NF2: variants seen among roughly 807,000 people sequenced by gnomAD.
NF2 encodes NF2, moesin-ezrin-radixin like (MERLIN) tumor suppressor.
In NF2, 8 loss-of-function variants were observed where a neutral mutation model predicts 83.7. That is an observed-to-expected ratio of 0.10 (90% confidence interval 0.06 to 0.17). The LOEUF is 0.17. Ranked by LOEUF, NF2 falls within the 10% of genes least tolerant of loss-of-function variation. The probability of loss-of-function intolerance (pLI) is 1.00; values close to 1 mark genes in which losing one functional copy is unlikely to be tolerated. For synonymous variants in NF2, 266 were observed against 269.6 expected (o/e 0.99, Z 0.13); for missense variants, 533 against 744.4 (o/e 0.72, Z 3.31).
At chr22:29,685,186 C>A (rs988159557) in intron 15 of NF2, among the ~76,000 whole-genome samples, 1 of 151,952 alleles carries the variant, frequency 6.6e-6, no homozygotes, top group African/African-American at 2.4e-5. Context: ...CGGCTCACTG[C>A]AACCTCCACC....
intron 1 of NF2, among the ~76,000 whole-genome samples, chr22:29,612,432 C>T (rs1431919136): frequency 6.6e-6 from 1 of 151,700 alleles, no homozygotes; most frequent in Non-Finnish European, 1.5e-5. Context: ...AAGTGATCCT[C>T]CTATATCAGC....
intron 4 of NF2, among the ~76,000 whole-genome samples, chr22:29,650,060 G>C (rs2066101367): frequency 6.6e-6 from 1 of 152,008 alleles, no homozygotes; most frequent in African/African-American, 2.4e-5. Flanking sequence ...AACTTACAAA[G>C]ATTAAAAATG....
At chr22:29,642,983 G>A (rs557134705) in intron 4 of NF2, among the ~76,000 whole-genome samples, 8 of 149,414 alleles carry the variant, frequency 5.4e-5, no homozygotes, top group African/African-American at 1.7e-4. Flanking sequence ...TTACAAGACC[G>A]ATGAGAGGGT....
rs972488057 is a variant in NF2, at chr22:29,686,461, G to T, written c.1737+4860G>T. ...TCGAGACCAGCCTGACCAACATGGA[G>T]AAACCCCGTCTCTACCAAAAATACA... On this transcript the variant is annotated intron_variant, in intron 15 of 15. Transcript: ENST00000338641. 2.3e-4 allele frequency among the ~76,000 whole-genome samples: 35 copies of T among 152,218 alleles called. 2 individuals are homozygous for T. Among genetic ancestry groups the T allele is most frequent in the Non-Finnish European group, 2.9e-5 (2 of 68,038 alleles).
At position 29,654,767 on chromosome 22, in the gene NF2, T is replaced by C. The variant is rs902023876; in HGVS notation, c.516+42T>C. The C allele has an allele frequency of 2.7e-6, 4 of 1,479,520 alleles. No individual in the cohort carries two copies. The African/African-American group carries it at 5.5e-5, about 20-fold the overall frequency. 91.6% of individuals were successfully genotyped at this position (1,479,520 alleles called of 1,614,324 possible). On this transcript the variant is annotated intron_variant, in intron 5 of 15. Coordinates refer to ENST00000338641, the MANE Select transcript of NF2 (RefSeq NM_000268.4). ...CCTTTTCAGGAAGACATAGCAGATATGTGGTCTAAAAGAAAGCTAACCAAA... is the reference window on the plus strand; with the variant it reads ...CCTTTTCAGGAAGACATAGCAGATACGTGGTCTAAAAGAAAGCTAACCAAA...
At chr22:29,688,292 G>A (rs1055531068) in intron 15 of NF2, among the ~76,000 whole-genome samples, 3 of 152,134 alleles carry the variant, frequency 2.0e-5, no homozygotes, top group African/African-American at 7.2e-5. Context: ...CACCCTGTTC[G>A]GCCCCTCGGC....
intron 13 of NF2, among the ~76,000 whole-genome samples, chr22:29,676,721 G>A (rs1227454225): frequency 6.6e-6 from 1 of 152,154 alleles, no homozygotes; most frequent in African/African-American, 2.4e-5. Flanking sequence ...ACACACACAC[G>A]TGGATATATT....
In NF2 at chr22:29,696,220, TGC is replaced by T. The variant is rs2067549972; in HGVS notation, c.*1419_*1420del. On this transcript the variant is annotated 3_prime_UTR_variant, in exon 16 of 16. Coordinates refer to ENST00000338641, the MANE Select transcript of NF2 (RefSeq NM_000268.4). ...TCCCAAGTAGCTGGGACTACAGGCA[TGC>T]ACCACCACACTTGGCCAATGTTCTG... 4.6e-6 allele frequency: 1 copy of T among 218,572 alleles called. No homozygotes were observed. Among genetic ancestry groups the T allele is most frequent in the Non-Finnish European group, 9.2e-6 (1 of 108,962 alleles). 13.5% of individuals were successfully genotyped at this position (218,572 alleles called of 1,614,324 possible).
intron 1 of NF2, among the ~76,000 whole-genome samples, chr22:29,635,260 C>T (rs1286588632): frequency 1.3e-5 from 2 of 152,164 alleles, no homozygotes; most frequent in African/African-American, 4.8e-5. Flanking sequence ...TTAGCAAAAA[C>T]CAATCAGGTA....
intron 4 of NF2, among the ~76,000 whole-genome samples, chr22:29,642,976 C>T (rs1269749688): frequency 6.9e-6 from 1 of 144,294 alleles, no homozygotes; most frequent in African/African-American, 2.6e-5. Context: ...TTTTTTTTTA[C>T]AAGACCGATG....
chr22:29,673,523 T>C lies in NF2; in HGVS notation c.1340+37T>C, dbSNP rs761479837. The C allele has an allele frequency of 8.2e-6, 13 of 1,582,274 alleles. No individual in the cohort carries two copies. The South Asian group carries it at 1.5e-4, about 18-fold the overall frequency. The stretch of plus-strand genomic sequence containing the variant: ...CCGGGCACCAGACTGGCGAGGAGGC[T>C]GGCGAAGGGCCGCAGACCAGCCTGC... On this transcript the variant is annotated intron_variant, in intron 12 of 15. Transcript: ENST00000338641.
intron 1 of NF2, among the ~76,000 whole-genome samples, chr22:29,635,941 G>A (rs1251991413): frequency 1.3e-5 from 2 of 152,178 alleles, no homozygotes; most frequent in African/African-American, 2.4e-5. Context: ...AAGCCACTAG[G>A]TGGCAACATT....
rs2067028599 is a variant in NF2 at position 29,678,316 on chromosome 22, A to G, written c.1567A>G (p.Lys523Glu). The G allele has an allele frequency of 1.9e-6, 3 of 1,613,760 alleles. No homozygotes were observed. Among genetic ancestry groups the G allele is most frequent in the Non-Finnish European group, 2.5e-6 (3 of 1,179,788 alleles). The stretch of plus-strand genomic sequence containing the variant: ...GAAGCGGCTTTCCATGGAGATAGAG[A>G]AAGAAAAGTATGTAGCCCCCTGTGC... Reference protein sequence around the residue: ...DMKRLSMEIEKEKVEYMEKSK... With the variant: ...DMKRLSMEIEEEKVEYMEKSK... Residue 523 changes from lysine to glutamate, a missense_variant, in exon 14 of 16, where the codon AAA becomes GAA. Lys to Glu is a moderately conservative substitution (Grantham distance 56). Transcript: ENST00000338641.
intron 9 of NF2, among the ~76,000 whole-genome samples, chr22:29,665,951 C>T (rs1216729522): frequency 3.3e-5 from 5 of 152,070 alleles, no homozygotes; most frequent in East Asian, 3.9e-4. Flanking sequence ...AGAAAAATAC[C>T]ATTCAATGTC....
intron 7 of NF2, among the ~76,000 whole-genome samples, chr22:29,660,119 A>T (rs528127754): frequency 6.6e-6 from 1 of 151,920 alleles, no homozygotes; most frequent in East Asian, 1.9e-4. Context: ...GTTTCCTTCC[A>T]CTCCAAATGA....
At position 29,696,749 on chromosome 22, in the gene NF2, G is replaced by A. The variant is rs546242180; in HGVS notation, c.*1947G>A. The A allele has an allele frequency of 9.5e-5, 21 of 220,566 alleles. No homozygotes were observed. The highest frequency in any genetic ancestry group is 2.6e-4 in the East Asian group (4 of 15,340). The allele number at this position is 220,566 out of a possible 1,614,324, so 13.7% of individuals were successfully genotyped here. On this transcript the variant is annotated 3_prime_UTR_variant, in exon 16 of 16. Coordinates refer to ENST00000338641, the MANE Select transcript of NF2 (RefSeq NM_000268.4). ...TTCCTAGTGTGACCCAGCCAGGAGC[G>A]GAAGCTTCAGGCGTTTGTAAAGTGA...
At chr22:29,681,410 C>T in intron 14 of NF2, 29 bp from the exon 15 acceptor site, 1 of 1,613,066 alleles carries the variant, frequency 6.2e-7, no homozygotes. Context: ...CTGCCCAAGC[C>T]CTGATGCATG....
Position 29,668,402 on chromosome 22 carries a change from C to A in NF2, c.955C>A (p.Gln319Lys). The change falls in exon 10 of 16, where the codon CAG (glutamine) becomes AAG (lysine). Residue 319 changes from glutamine (Q) to lysine (K), a missense_variant. Physicochemically the swap from Gln to Lys is moderately conservative, Grantham distance 53. Transcript: ENST00000338641. ...RRRKADSLEV[Q>K]QMKAQAREEK... is the part of the protein sequence containing the mutation. ...AAGGAAAGCCGATTCTTTGGAAGTT[C>A]AGCAGATGAAAGCCCAGGCCAGGGA... 1 of 1,613,936 alleles carries A rather than the reference C, an allele frequency of 6.2e-7. No homozygotes were observed. Among genetic ancestry groups the A allele is most frequent in the South Asian group, 1.1e-5 (1 of 91,034 alleles).
chr22:29,665,313 G>A (rs760551286), intron 9 of NF2, among the ~76,000 whole-genome samples: 2 of 151,204 alleles, frequency 1.3e-5, no homozygotes, highest in South Asian at 2.1e-4. Context: ...GTGCCATCTC[G>A]GCTCACTGCA....
Sources: gnomAD v4.1 joint callset for allele counts (sites outside exome capture counted in the v4.1 genomes callset) on GRCh38, gnomAD v4.1.1 for gene constraint, MANE v1.5 for transcripts, NCBI Gene and HGNC (gene_info 2026-07-23, HGNC 2026-07-21) for gene names.